TSPAN5: variants seen among roughly 807,000 people sequenced by gnomAD.
TSPAN5 encodes the protein tetraspanin 5.
TSPAN5 carries 10 observed loss-of-function variants against 37.1 expected under a neutral mutation model. The observed-to-expected ratio is 0.27, with a 90% CI of 0.17 to 0.46. TSPAN5 has a LOEUF of 0.46. Ranked by LOEUF, TSPAN5 falls within the 20% of genes least tolerant of loss-of-function variation. The probability of loss-of-function intolerance (pLI) is 1.00; values close to 1 mark genes in which losing one functional copy is unlikely to be tolerated. For missense variants in TSPAN5, 195 were observed against 326.6 expected, an observed-to-expected ratio of 0.60 and a Z score of 3.11; for synonymous variants, 110 against 118.9, an observed-to-expected ratio of 0.93 and a Z score of 0.48.
At position 98,600,016 on chromosome 4, in the gene TSPAN5, C is replaced by T. The variant is rs142554419; in HGVS notation, c.81+58130G>A. On this transcript the variant is annotated intron_variant, in intron 1 of 7. Coordinates refer to ENST00000305798, the MANE Select transcript of TSPAN5 (RefSeq NM_005723.4). The stretch of plus-strand genomic sequence containing the variant: ...GCAGGTTCCATTCTAGACCACAGTA[C>T]TAAGGCAAATATTGCAATAAAGCGA... 5.3e-3 allele frequency among the ~76,000 whole-genome samples: 814 copies of T among 152,174 alleles called. 8 individuals carry two copies. Among genetic ancestry groups the T allele is most frequent in the African/African-American group, 0.019 (773 of 41,524 alleles).
At chr4:98,642,745 T>C (rs1256446713) in intron 1 of TSPAN5, among the ~76,000 whole-genome samples, 2 of 152,180 alleles carry the variant, frequency 1.3e-5, no homozygotes, top group East Asian at 1.9e-4. Flanking sequence ...TGATCCTGTA[T>C]AGGTCTAGGC....
chr4:98,490,602 G>T (rs1337705942), intron 2 of TSPAN5, among the ~76,000 whole-genome samples: 2 of 152,160 alleles, frequency 1.3e-5, no homozygotes, highest in Admixed American at 1.3e-4. Context: ...ACAAAGCATA[G>T]GAAAGACTAC....
At chr4:98,474,812 C>T (rs1264983503) in intron 7 of TSPAN5, among the ~76,000 whole-genome samples, 1 of 152,106 alleles carries the variant, frequency 6.6e-6, no homozygotes, top group Non-Finnish European at 1.5e-5. Flanking sequence ...TAGCTAGGAC[C>T]ACAGGCATGT....
chr4:98,577,447 C>A (rs1339529905), intron 1 of TSPAN5, among the ~76,000 whole-genome samples: 1 of 152,200 alleles, frequency 6.6e-6, no homozygotes, highest in Non-Finnish European at 1.5e-5. Flanking sequence ...ATCTACCTAC[C>A]TTTCCCTCAC....
At chr4:98,559,558 T>A (rs1166504552) in intron 1 of TSPAN5, among the ~76,000 whole-genome samples, 3 of 152,216 alleles carry the variant, frequency 2.0e-5, no homozygotes, top group Non-Finnish European at 1.5e-5. Flanking sequence ...GGCAACTTTT[T>A]TATTATCATT....
At chr4:98,498,035 G>A (rs1019640573) in intron 2 of TSPAN5, among the ~76,000 whole-genome samples, 8 of 152,216 alleles carry the variant, frequency 5.3e-5, no homozygotes, top group Non-Finnish European at 1.2e-4. Context: ...ACGTGCTGTG[G>A]AAGCAGCTAG....
intron 2 of TSPAN5, among the ~76,000 whole-genome samples, chr4:98,494,166 G>T (rs1282207049): frequency 2.0e-5 from 3 of 152,142 alleles, no homozygotes. Context: ...GTACAAGGGA[G>T]ACTCTGATAT....
At chr4:98,630,471 A>T (rs1756719369) in intron 1 of TSPAN5, among the ~76,000 whole-genome samples, 1 of 152,202 alleles carries the variant, frequency 6.6e-6, no homozygotes, top group Admixed American at 6.5e-5. Flanking sequence ...GAGCTCTCAA[A>T]GCACAAGAAT....
At chr4:98,533,454 GT>G (rs1341736565) in intron 1 of TSPAN5, among the ~76,000 whole-genome samples, 2 of 149,862 alleles carry the variant, frequency 1.3e-5, no homozygotes, top group African/African-American at 4.9e-5. Flanking sequence ...ATTATTACAG[GT>G]TTTCTCATTT....
chr4:98,546,057 T>C (rs1240713267), intron 1 of TSPAN5, among the ~76,000 whole-genome samples: 1 of 152,154 alleles, frequency 6.6e-6, no homozygotes, highest in Non-Finnish European at 1.5e-5. Context: ...TAATAATGTA[T>C]TAATAATATA....
In TSPAN5 at chr4:98,547,641, G is replaced by A. The variant is rs147849206; in HGVS notation, c.82-39913C>T. ...CAGTGTTAAATATTTCCTATCAGTG[G>A]CTCTGAACCTTCTGTGGATTAAGGA... On this transcript the variant is annotated intron_variant, in intron 1 of 7. Coordinates refer to ENST00000305798, the MANE Select transcript of TSPAN5 (RefSeq NM_005723.4). Among the ~76,000 whole-genome samples the A allele has an allele frequency of 3.7e-3, 566 of 152,204 alleles. 6 individuals are homozygous for A. Among genetic ancestry groups the A allele is most frequent in the African/African-American group, 0.013 (539 of 41,512 alleles).
intron 1 of TSPAN5, among the ~76,000 whole-genome samples, chr4:98,567,874 C>A (rs992851674): frequency 1.3e-5 from 2 of 152,122 alleles, no homozygotes; most frequent in Non-Finnish European, 2.9e-5. Context: ...AAGTTCAGAG[C>A]AGACTAAAGG....
intron 1 of TSPAN5, among the ~76,000 whole-genome samples, chr4:98,530,608 A>T (rs533228006): frequency 6.6e-6 from 1 of 152,310 alleles, no homozygotes; most frequent in African/African-American, 2.4e-5. Flanking sequence ...CTAAACTGAG[A>T]CACAGATATT....
chr4:98,485,416 AAAGG>A (rs1283007357), intron 3 of TSPAN5: 1 of 152,342 alleles, frequency 6.6e-6, no homozygotes, highest in African/African-American at 2.4e-5. Context: ...TGTGTGTGGC[AAAGG>A]AAGGATCTGG....
At chr4:98,509,631 G>A (rs566603300) in intron 1 of TSPAN5, among the ~76,000 whole-genome samples, 24 of 152,228 alleles carry the variant, frequency 1.6e-4, no homozygotes, top group Middle Eastern at 3.4e-3. Flanking sequence ...TGTTCAGAAA[G>A]ATTTCTCGTT....
intron 1 of TSPAN5, among the ~76,000 whole-genome samples, chr4:98,570,961 G>A (rs1224417995): frequency 1.3e-5 from 2 of 151,310 alleles, no homozygotes; most frequent in Non-Finnish European, 1.5e-5. Context: ...GCAGCGAGCC[G>A]AGATCGCGCC....
intron 1 of TSPAN5, among the ~76,000 whole-genome samples, chr4:98,508,497 G>C (rs1753526108): frequency 1.3e-5 from 2 of 151,792 alleles, no homozygotes; most frequent in South Asian, 4.2e-4. Context: ...TGATAACCAG[G>C]AGGGCTTTCC....
In TSPAN5 at chr4:98,506,968, G is replaced by A. The variant is rs143892722; in HGVS notation, c.132+710C>T. Reference sequence around the variant, plus strand: ...GCTGTAGAGAAAAATTAGAAGGTGCGATGGGAAGGAGAGGTGTGGACACAG... The same window carrying A: ...GCTGTAGAGAAAAATTAGAAGGTGCAATGGGAAGGAGAGGTGTGGACACAG... On this transcript the variant is annotated intron_variant, in intron 2 of 7. Transcript: ENST00000305798. Among the ~76,000 whole-genome samples, 1,339 of 152,270 alleles carry A rather than the reference G, an allele frequency of 8.8e-3. 12 individuals are homozygous for A. Among genetic ancestry groups the A allele is most frequent in the Non-Finnish European group, 0.015 (1,040 of 68,026 alleles).
rs1348254836 is a variant in TSPAN5 at position 98,616,491 on chromosome 4, A to AAAAAC, written c.81+41650_81+41654dup. On this transcript the variant is annotated intron_variant, in intron 1 of 7. Transcript: ENST00000305798. Reference sequence around the variant, plus strand: ...AGTGTCACTCTGACAAGAGCTGTTTAAAAACAAAACAAAACAAAATAAAAC... The same window carrying AAAAAC: ...AGTGTCACTCTGACAAGAGCTGTTTAAAAACAAAACAAAACAAAACAAAATAAAAC... Among the ~76,000 whole-genome samples the AAAAAC allele has an allele frequency of 2.7e-4, 41 of 152,156 alleles. 1 individual carries two copies. Among genetic ancestry groups the AAAAAC allele is most frequent in the Middle Eastern group, 3.2e-3 (1 of 316 alleles).
Sources: allele counts gnomAD v4.1 joint callset (sites outside exome capture counted in the v4.1 genomes callset), GRCh38; gene constraint gnomAD v4.1.1; transcripts MANE v1.5; gene names NCBI Gene and HGNC (gene_info 2026-07-23, HGNC 2026-07-21).